Variants in PTPRT observed in about 807,000 individuals in gnomAD.
PTPRT encodes the protein receptor-type tyrosine-protein phosphatase T.
PTPRT carries 56 observed loss-of-function variants against 176.8 expected under a neutral mutation model. The observed-to-expected ratio is 0.32, with a 90% confidence interval of 0.26 to 0.40. The LOEUF (loss-of-function observed/expected upper bound fraction) is 0.40, where lower values mean the gene tolerates loss of function less well. PTPRT is among the 10% of genes least tolerant of loss of function. The pLI is 1.00. For missense variants in PTPRT, 1,540 were observed against 1,908.2 expected (o/e 0.81, Z 3.60); for synonymous variants, 783 against 739.0 (o/e 1.06, Z -0.96).
intron 1 of PTPRT, among the ~76,000 whole-genome samples, chr20:43,106,003 A>G (rs537436953): frequency 1.3e-5 from 2 of 152,206 alleles, no homozygotes; most frequent in East Asian, 1.9e-4. Flanking sequence ...CAACAGGTTC[A>G]GGGGGTGAGG....
intron 2 of PTPRT, among the ~76,000 whole-genome samples, chr20:42,874,520 G>C (rs1236753618): frequency 6.6e-6 from 1 of 152,086 alleles, no homozygotes; most frequent in Non-Finnish European, 1.5e-5. Flanking sequence ...GTCCACTTAT[G>C]GTATCTAATA....
At chr20:42,808,319 G>C (rs893569209) in intron 2 of PTPRT, among the ~76,000 whole-genome samples, 1 of 152,176 alleles carries the variant, frequency 6.6e-6, no homozygotes, top group Admixed American at 6.5e-5. Flanking sequence ...CAGTGACAAT[G>C]GGTCTGGGGA....
intron 3 of PTPRT, among the ~76,000 whole-genome samples, chr20:42,782,540 A>G (rs963029224): frequency 5.9e-5 from 9 of 152,206 alleles, no homozygotes; most frequent in Non-Finnish European, 1.0e-4. Context: ...TCAGTCACCC[A>G]AGCTGGAGAC....
At chr20:42,684,292 C>T (rs989045843) in intron 6 of PTPRT, among the ~76,000 whole-genome samples, 1 of 151,928 alleles carries the variant, frequency 6.6e-6, no homozygotes, top group African/African-American at 2.4e-5. Flanking sequence ...TTGCAGTGAG[C>T]CAGGATCATG....
chr20:42,619,267 C>T (rs2074141872), intron 7 of PTPRT, among the ~76,000 whole-genome samples: 1 of 138,640 alleles, frequency 7.2e-6, no homozygotes, highest in Non-Finnish European at 1.5e-5. Context: ...TGAATATTGG[C>T]CCCCACTCTC....
chr20:42,110,365 G>A lies in PTPRT; in HGVS notation c.3222C>T (p.Pro1074=), dbSNP rs2146290921. Residue 1074 remains proline, a synonymous_variant, in exon 23 of 31, where the codon CCC becomes CCT. Transcript: ENST00000373187. The part of the protein sequence containing the change: ...GFVRQVKFLN[P]PEAGPIVVHC... ...GGACCACTATGGGCCCAGCTTCCGG[G>A]GGGTTGAGGAACTTGACCTGGCGGA... 6.2e-7 allele frequency: 1 copy of A among 1,612,746 alleles called. No individual in the cohort carries two copies.
chr20:42,274,480 C>T (rs570422629), intron 13 of PTPRT, among the ~76,000 whole-genome samples: 1 of 151,806 alleles, frequency 6.6e-6, no homozygotes, highest in South Asian at 2.1e-4. Context: ...CCCCTGACCA[C>T]ATCACGTTTT....
At chr20:42,204,727 T>G (rs767783436) in intron 15 of PTPRT, among the ~76,000 whole-genome samples, 1 of 152,020 alleles carries the variant, frequency 6.6e-6, no homozygotes, top group Non-Finnish European at 1.5e-5. Flanking sequence ...ATGAGTCCTG[T>G]GATTTGTTCT....
At chr20:42,588,949 GTA>G (rs1192570423) in intron 7 of PTPRT, among the ~76,000 whole-genome samples, 1 of 152,144 alleles carries the variant, frequency 6.6e-6, no homozygotes, top group Non-Finnish European at 1.5e-5. Context: ...ATGGTCCAAG[GTA>G]AAGAGCCAGT....
chr20:42,368,723 A>G (rs1416203259), intron 9 of PTPRT, among the ~76,000 whole-genome samples: 2 of 152,216 alleles, frequency 1.3e-5, no homozygotes, highest in African/African-American at 4.8e-5. Context: ...AGCCTCCTTC[A>G]TTGAAAAATA....
chr20:42,683,634 G>A (rs1230394527), intron 6 of PTPRT, among the ~76,000 whole-genome samples: 2 of 152,110 alleles, frequency 1.3e-5, no homozygotes, highest in African/African-American at 2.4e-5. Flanking sequence ...GCTTCATGAC[G>A]ACTTACTTTC....
chr20:42,203,488 T>C (rs1278568527), intron 15 of PTPRT, among the ~76,000 whole-genome samples: 1 of 152,160 alleles, frequency 6.6e-6, no homozygotes, highest in Non-Finnish European at 1.5e-5. Flanking sequence ...TTCTCAATAC[T>C]CCATATTCCT....
the PTPRT span, among the ~76,000 whole-genome samples, chr20:42,033,090 G>A: frequency 1.3e-5 from 2 of 152,196 alleles, no homozygotes; most frequent in African/African-American, 2.4e-5. Flanking sequence ...GGGCAGAGGT[G>A]AGACCGGATA....
chr20:42,749,754 C>G (rs924454548), intron 6 of PTPRT, among the ~76,000 whole-genome samples: 1 of 152,164 alleles, frequency 6.6e-6, no homozygotes, highest in Non-Finnish European at 1.5e-5. Context: ...CACAGTTGGG[C>G]TCCATAAACC....
At chr20:42,362,704 C>T (rs1245552095) in intron 9 of PTPRT, among the ~76,000 whole-genome samples, 1 of 152,140 alleles carries the variant, frequency 6.6e-6, no homozygotes, top group Non-Finnish European at 1.5e-5. Context: ...GTTTCAGTCA[C>T]TATCCTGTGG....
intron 9 of PTPRT, among the ~76,000 whole-genome samples, chr20:42,429,127 A>T (rs2059193173): frequency 1.3e-5 from 2 of 152,186 alleles, no homozygotes; most frequent in Admixed American, 6.5e-5. Flanking sequence ...ATCTCAGGCA[A>T]GTAACTTCCT....
chr20:42,879,741 G>A (rs2078986311), intron 2 of PTPRT, among the ~76,000 whole-genome samples: 1 of 151,168 alleles, frequency 6.6e-6, no homozygotes, highest in Non-Finnish European at 1.5e-5. Flanking sequence ...AAATGTGTGT[G>A]TGTGTGTGTG....
intron 15 of PTPRT, among the ~76,000 whole-genome samples, chr20:42,205,811 A>G (rs1285700795): frequency 1.3e-5 from 2 of 152,146 alleles, no homozygotes; most frequent in Non-Finnish European, 2.9e-5. Flanking sequence ...TCTCAGCCAT[A>G]GGAAGTGGAC....
intron 19 of PTPRT, among the ~76,000 whole-genome samples, chr20:42,126,644 T>C (rs1481746619): frequency 6.6e-6 from 1 of 152,196 alleles, no homozygotes; most frequent in African/African-American, 2.4e-5. Context: ...TTGATTTTCC[T>C]TTATGGTCCC....
Sources: allele counts gnomAD v4.1 joint callset (sites outside exome capture counted in the v4.1 genomes callset), GRCh38; gene constraint gnomAD v4.1.1; transcripts MANE v1.5; gene names NCBI Gene and HGNC (gene_info 2026-07-23, HGNC 2026-07-21).